The following KLHL29 variants were observed in gnomAD, a reference collection of about 807,000 sequenced individuals.
The protein encoded by KLHL29 is kelch like family member 29.
In KLHL29, 21 loss-of-function variants were observed where a neutral mutation model predicts 80.4. The observed-to-expected ratio is 0.26, with a 90% CI of 0.19 to 0.38. The LOEUF (loss-of-function observed/expected upper bound fraction) is 0.38. Ranked by LOEUF, KLHL29 falls within the 10% of genes least tolerant of loss-of-function variation. The pLI, the probability that KLHL29 is intolerant of heterozygous loss-of-function variation, is 1.00. For synonymous variants in KLHL29, 511 were observed against 526.8 expected (o/e 0.97, Z 0.41); for missense variants, 867 against 1,223.9 (o/e 0.71, Z 4.35).
rs902132419 is a variant in KLHL29, at chr2:23,669,605, T to C, written c.941-14794T>C. 2 of 152,190 alleles carry C rather than the reference T, an allele frequency of 1.3e-5. No individual in the cohort carries two copies. Among genetic ancestry groups the C allele is most frequent in the East Asian group, 3.9e-4 (2 of 5,154 alleles). The allele number at this position is 152,190 out of a possible 1,614,324, so 9.4% of individuals were successfully genotyped here. Reference sequence around the variant, plus strand: ...CTGGGTACCCCGTGAGCAGCACCCGTGGCCCGTGCTGGACACAGCCTGTTG... The same window carrying C: ...CTGGGTACCCCGTGAGCAGCACCCGCGGCCCGTGCTGGACACAGCCTGTTG... On this transcript the variant is annotated intron_variant, in intron 5 of 13. Transcript: ENST00000486442. This position sits in a 1 kb window ranked among gnomAD's most constrained non-coding sequence, Gnocchi z 4.3.
chr2:23,531,291 T>C (rs1209051487), intron 2 of KLHL29, among the ~76,000 whole-genome samples: 1 of 152,228 alleles, frequency 6.6e-6, no homozygotes, highest in Non-Finnish European at 1.5e-5. Context: ...TGGGTTCTTG[T>C]TGCCTGGGAC....
intron 5 of KLHL29, among the ~76,000 whole-genome samples, chr2:23,646,225 C>T (rs1669926581): frequency 2.0e-5 from 3 of 152,178 alleles, no homozygotes; most frequent in Admixed American, 1.3e-4. Flanking sequence ...TGTGGCCAAG[C>T]TCAGGCCTCG....
intron 3 of KLHL29, among the ~76,000 whole-genome samples, chr2:23,626,170 C>T (rs1261624243): frequency 1.3e-5 from 2 of 152,212 alleles, no homozygotes; most frequent in Admixed American, 1.3e-4. Context: ...ATAAGGAGTA[C>T]ACAACCTGGA....
chr2:23,421,452 G>T (rs1662797849), intron 1 of KLHL29, among the ~76,000 whole-genome samples: 1 of 152,138 alleles, frequency 6.6e-6, no homozygotes, highest in African/African-American at 2.4e-5. Context: ...TCCTGGAGGG[G>T]AGAAGTGAAG....
intron 2 of KLHL29, among the ~76,000 whole-genome samples, chr2:23,499,049 G>C (rs2103453288): frequency 6.6e-6 from 1 of 152,338 alleles, no homozygotes; most frequent in South Asian, 2.1e-4. Flanking sequence ...AGGCATAGGA[G>C]GAATCTTACC....
intron 2 of KLHL29, among the ~76,000 whole-genome samples, chr2:23,521,955 C>T (rs181029967): frequency 2.0e-5 from 3 of 152,182 alleles, no homozygotes; most frequent in Admixed American, 1.3e-4. Context: ...CTTTTCACAG[C>T]CTTTCTGCAT....
intron 2 of KLHL29, chr2:23,523,821 C>G: frequency 2.9e-6 from 1 of 347,932 alleles, no homozygotes; most frequent in South Asian, 2.3e-5. Context: ...CGGCCTTGTC[C>G]CCAGCAAAGA....
chr2:23,474,605 T>C (rs1326049080), intron 1 of KLHL29, among the ~76,000 whole-genome samples: 2 of 152,168 alleles, frequency 1.3e-5, no homozygotes, highest in African/African-American at 4.8e-5. Context: ...CTATTTGATA[T>C]GGATCACGTG....
At chr2:23,479,939 A>G (rs952346862) in intron 2 of KLHL29, among the ~76,000 whole-genome samples, 2 of 152,234 alleles carry the variant, frequency 1.3e-5, no homozygotes, top group Non-Finnish European at 2.9e-5. Flanking sequence ...AGAACCACCG[A>G]CAGTGTGTCC....
chr2:23,500,195 G>A (rs1665399470), intron 2 of KLHL29, among the ~76,000 whole-genome samples: 2 of 152,174 alleles, frequency 1.3e-5, no homozygotes, highest in Non-Finnish European at 2.9e-5. Flanking sequence ...AGGACACAGT[G>A]GTGCGTTCGT....
chr2:23,633,803 T>C lies in KLHL29; in HGVS notation c.286-5336T>C, dbSNP rs546598409. 1.3e-3 allele frequency among the ~76,000 whole-genome samples: 185 copies of C among 141,984 alleles called. 1 individual carries two copies. The highest frequency in any genetic ancestry group is 4.9e-3 in the African/African-American group (178 of 36,414). The allele number at this position is 141,984 out of a possible 152,430, so 93.1% of individuals were successfully genotyped here. On this transcript the variant is annotated intron_variant, in intron 3 of 13. Coordinates refer to ENST00000486442, the MANE Select transcript of KLHL29 (RefSeq NM_052920.2). ...TGTGTGTGTGTGTGTTTAATTTGACTAAGTGGAAGCTCCGTGCTATGCTGA... is the reference window on the plus strand; with the variant it reads ...TGTGTGTGTGTGTGTTTAATTTGACCAAGTGGAAGCTCCGTGCTATGCTGA...
intron 2 of KLHL29, among the ~76,000 whole-genome samples, chr2:23,496,116 G>T (rs1665259270): frequency 6.6e-6 from 1 of 152,172 alleles, no homozygotes; most frequent in African/African-American, 2.4e-5. Flanking sequence ...AGTCTCAGGG[G>T]GCACGAGAGG....
chr2:23,467,807 G>A (rs1664393407), intron 1 of KLHL29, among the ~76,000 whole-genome samples: 1 of 152,098 alleles, frequency 6.6e-6, no homozygotes, highest in African/African-American at 2.4e-5. Flanking sequence ...GGAGGGAGCG[G>A]AGAGTGGTCG....
At chr2:23,424,800 G>A (rs1342398746) in intron 1 of KLHL29, among the ~76,000 whole-genome samples, 11 of 152,204 alleles carry the variant, frequency 7.2e-5, no homozygotes, top group Admixed American at 5.2e-4. Context: ...TCCGAATCTC[G>A]CTTTATCTCA....
At chr2:23,654,706 G>GGA (rs1553350665) in intron 5 of KLHL29, among the ~76,000 whole-genome samples, 1 of 52,536 alleles carries the variant, frequency 1.9e-5, no homozygotes, top group Non-Finnish European at 5.1e-5. Context: ...TGGGGGGGGG[G>GGA]GGTGGATGTT....
At chr2:23,631,316 G>A (rs1669463175) in intron 3 of KLHL29, among the ~76,000 whole-genome samples, 2 of 151,938 alleles carry the variant, frequency 1.3e-5, no homozygotes, top group South Asian at 2.1e-4. Context: ...TATTTTAAAG[G>A]ACAAGATTGA....
chr2:23,569,518 ATT>A (rs372147668), intron 3 of KLHL29, among the ~76,000 whole-genome samples: 1 of 151,790 alleles, frequency 6.6e-6, no homozygotes, highest in African/African-American at 2.4e-5. Flanking sequence ...CAATTAAACA[ATT>A]TTTTTTTCCC....
intron 2 of KLHL29, among the ~76,000 whole-genome samples, chr2:23,486,555 A>G (rs1664937678): frequency 6.6e-6 from 1 of 152,196 alleles, no homozygotes; most frequent in Non-Finnish European, 1.5e-5. Flanking sequence ...CACCACAATT[A>G]GCACTGTGGC....
At chr2:23,543,829 T>G (rs895744706) in intron 2 of KLHL29, among the ~76,000 whole-genome samples, 1 of 152,126 alleles carries the variant, frequency 6.6e-6, no homozygotes, top group African/African-American at 2.4e-5. Context: ...GGCTGCTCCC[T>G]CCACCACTCC....
Sources: allele counts gnomAD v4.1 joint callset (sites outside exome capture counted in the v4.1 genomes callset), GRCh38; gene constraint gnomAD v4.1.1; non-coding constraint Gnocchi (gnomAD v3.1); transcripts MANE v1.5; gene names NCBI Gene and HGNC (gene_info 2026-07-23, HGNC 2026-07-21).